Variants in MYO3A observed in about 807,000 individuals in gnomAD.
MYO3A encodes the protein myosin-IIIa.
In MYO3A, 180 loss-of-function variants were observed where a neutral mutation model predicts 192.7. The ratio of observed to expected loss-of-function variants is 0.93; its 90% CI spans 0.83 to 1.06. The LOEUF is 1.06. Ranked by LOEUF, MYO3A falls within the 50% of genes least tolerant of loss-of-function variation. The pLI, the probability that MYO3A is intolerant of heterozygous loss-of-function variation, is 0.00. For synonymous variants in MYO3A, 628 were observed against 645.3 expected (o/e 0.97, Z 0.41); for missense variants, 1,896 against 1,905.0 (o/e 1.00, Z 0.09).
At chr10:26,087,849 T>A (rs888550833) in intron 14 of MYO3A, among the ~76,000 whole-genome samples, 2 of 152,210 alleles carry the variant, frequency 1.3e-5, no homozygotes, top group Admixed American at 6.5e-5. Flanking sequence ...GGTTCTGGCT[T>A]TGGGGACTAT....
At chr10:25,961,440 A>C (rs1837923642) in intron 4 of MYO3A, among the ~76,000 whole-genome samples, 1 of 152,140 alleles carries the variant, frequency 6.6e-6, no homozygotes, top group Non-Finnish European at 1.5e-5. Context: ...TGTTTTGGGA[A>C]TATCTTATAA....
At chr10:26,020,654 G>C (rs1842254348) in intron 7 of MYO3A, among the ~76,000 whole-genome samples, 1 of 152,092 alleles carries the variant, frequency 6.6e-6, no homozygotes, top group African/African-American at 2.4e-5. Context: ...TGCAAAAAAT[G>C]GTTCTTAAAA....
intron 6 of MYO3A, among the ~76,000 whole-genome samples, chr10:26,008,371 A>G (rs1223560112): frequency 6.7e-6 from 1 of 148,824 alleles, no homozygotes; most frequent in Non-Finnish European, 1.5e-5. Context: ...ACAAAAGCCA[A>G]AATTGACAAA....
intron 15 of MYO3A, among the ~76,000 whole-genome samples, chr10:26,089,034 C>G (rs1199924225): frequency 6.6e-6 from 1 of 152,154 alleles, no homozygotes; most frequent in Non-Finnish European, 1.5e-5. Context: ...GATTTGTACC[C>G]TGGTGGTTAC....
At chr10:25,982,152 C>T (rs1839372228) in intron 4 of MYO3A, among the ~76,000 whole-genome samples, 1 of 152,072 alleles carries the variant, frequency 6.6e-6, no homozygotes, top group Non-Finnish European at 1.5e-5. Flanking sequence ...ACCTGTGTGA[C>T]TCAGCAGAGG....
intron 20 of MYO3A, among the ~76,000 whole-genome samples, chr10:26,137,460 T>A (rs1293307382): frequency 2.0e-5 from 3 of 152,216 alleles, no homozygotes; most frequent in Non-Finnish European, 2.9e-5. Flanking sequence ...TGAGGATGTG[T>A]GTCACCTCAG....
intron 32 of MYO3A, among the ~76,000 whole-genome samples, chr10:26,199,444 AAGGATGGCTAAGGTGGG>A (rs1225131424): frequency 6.6e-6 from 1 of 150,398 alleles, no homozygotes; most frequent in Admixed American, 6.6e-5. Context: ...TCCCAGCTAC[AAGGATGGCTAAGGTGGG>A]AGGATCACTA....
At chr10:26,017,105 G>A (rs1211696465) in intron 7 of MYO3A, among the ~76,000 whole-genome samples, 1 of 152,150 alleles carries the variant, frequency 6.6e-6, no homozygotes, top group Non-Finnish European at 1.5e-5. Flanking sequence ...CAATGAAAGA[G>A]GGAATGAGTA....
intron 17 of MYO3A, among the ~76,000 whole-genome samples, chr10:26,110,735 G>T (rs1010841996): frequency 6.6e-6 from 1 of 152,056 alleles, no homozygotes; most frequent in African/African-American, 2.4e-5. Context: ...TGCGTGGTAG[G>T]CATCCTATCA....
intron 4 of MYO3A, among the ~76,000 whole-genome samples, chr10:25,969,181 C>A (rs550180893): frequency 6.6e-6 from 1 of 152,042 alleles, no homozygotes; most frequent in Non-Finnish European, 1.5e-5. Context: ...TGCAGTGAGC[C>A]GAGATTGCAC....
At chr10:25,973,086 T>C (rs2130743101) in intron 4 of MYO3A, among the ~76,000 whole-genome samples, 1 of 152,364 alleles carries the variant, frequency 6.6e-6, no homozygotes, top group Non-Finnish European at 1.5e-5. Context: ...ATGGTCATTT[T>C]CATGACATTG....
intron 4 of MYO3A, among the ~76,000 whole-genome samples, chr10:25,984,588 TCTC>T (rs1839533324): frequency 6.6e-6 from 1 of 152,164 alleles, no homozygotes. Context: ...GGGAAGCTGT[TCTC>T]TTCTTCTTTC....
intron 10 of MYO3A, among the ~76,000 whole-genome samples, chr10:26,061,389 C>A (rs1246589183): frequency 6.6e-6 from 1 of 152,124 alleles, no homozygotes; most frequent in Non-Finnish European, 1.5e-5. Context: ...TCTGGAAAGA[C>A]CTGCAGTGTC....
chr10:26,098,008 G>C (rs1837162814), intron 17 of MYO3A, among the ~76,000 whole-genome samples: 1 of 152,182 alleles, frequency 6.6e-6, no homozygotes, highest in African/African-American at 2.4e-5. Flanking sequence ...TTCCACAATG[G>C]TTGAACTAGT....
chr10:26,082,521 A>C (rs950203093), intron 14 of MYO3A, among the ~76,000 whole-genome samples: 2 of 152,178 alleles, frequency 1.3e-5, no homozygotes, highest in Non-Finnish European at 2.9e-5. Flanking sequence ...GTTATCTGCA[A>C]ATGCAGTAGT....
Position 26,157,854 on chromosome 10 carries a change from C to T in MYO3A, c.2999+339C>T, listed in dbSNP as rs1841237198. Among the ~76,000 whole-genome samples the T allele has an allele frequency of 2.0e-5, 3 of 152,114 alleles. No homozygotes were observed. The South Asian group carries it at 6.2e-4, about 31-fold the overall frequency. ...CTCAGCTGGGAGAGATTTTGCCCCTCAAAAGACACTTGGCAATGTCTGGAG... is the reference window on the plus strand; with the variant it reads ...CTCAGCTGGGAGAGATTTTGCCCCTTAAAAGACACTTGGCAATGTCTGGAG... On this transcript the variant is annotated intron_variant, in intron 26 of 34. Coordinates refer to ENST00000642920, the MANE Select transcript of MYO3A (RefSeq NM_017433.5).
intron 15 of MYO3A, among the ~76,000 whole-genome samples, chr10:26,091,574 G>T (rs10828950): frequency 0.14 from 21,559 of 152,188 alleles, 1,760 homozygotes; most frequent in East Asian, 0.31. Context: ...CTCTATAGGA[G>T]ACATAAATAA....
At chr10:26,001,026 C>T (rs1046786942) in intron 6 of MYO3A, among the ~76,000 whole-genome samples, 1 of 152,142 alleles carries the variant, frequency 6.6e-6, no homozygotes, top group Non-Finnish European at 1.5e-5. Flanking sequence ...CGTGAGAACT[C>T]ACTATCACGA....
intron 4 of MYO3A, among the ~76,000 whole-genome samples, chr10:25,969,122 C>G (rs1056814979): frequency 2.0e-5 from 3 of 152,058 alleles, no homozygotes; most frequent in Non-Finnish European, 4.4e-5. Context: ...ACCTGTAGTC[C>G]CAGCTACTCG....
Sources: gnomAD v4.1 joint callset for allele counts (sites outside exome capture counted in the v4.1 genomes callset) on GRCh38, gnomAD v4.1.1 for gene constraint, MANE v1.5 for transcripts, NCBI Gene and HGNC (gene_info 2026-07-23, HGNC 2026-07-21) for gene names.